CWC27: variants seen among roughly 807,000 people sequenced by gnomAD.
CWC27 encodes the protein CWC27 spliceosome associated cyclophilin, also known as spliceosome-associated protein CWC27 homolog.
In CWC27, 47 loss-of-function variants were observed where a neutral mutation model predicts 63.6. That is an observed-to-expected ratio of 0.74 (90% CI 0.58 to 0.94). The LOEUF (loss-of-function observed/expected upper bound fraction) is 0.94, where lower values mean the gene tolerates loss of function less well. Among genes scored for constraint, CWC27 ranks in the 40% least tolerant of loss-of-function variants. The pLI is 0.00. For missense variants in CWC27, 495 were observed against 554.3 expected (o/e 0.89, Z 1.07); for synonymous variants, 175 against 179.8 (o/e 0.97, Z 0.22).
chr5:64,895,893 G>T (rs1747361881), intron 11 of CWC27, among the ~76,000 whole-genome samples: 1 of 152,116 alleles, frequency 6.6e-6, no homozygotes, highest in Admixed American at 6.6e-5. Flanking sequence ...CCCAAAAACA[G>T]ATTGGAAACC....
chr5:64,840,399 AT>A, intron 10 of CWC27, among the ~76,000 whole-genome samples: 1 of 45,782 alleles, frequency 2.2e-5, no homozygotes, highest in Non-Finnish European at 4.0e-5. Context: ...AAAAAAATAT[AT>A]ATATATATAT....
chr5:64,830,214 C>T lies in CWC27; in HGVS notation c.938+25828C>T, dbSNP rs116705497. ...GGCCCCTGTGTGTGATGTTCCCTAC[C>T]GTGTGTCCAAGTATTCTCATTGTTC... On this transcript the variant is annotated intron_variant, in intron 10 of 13. Transcript: ENST00000381070. 7.0e-3 allele frequency among the ~76,000 whole-genome samples: 1,056 copies of T among 151,154 alleles called. 20 individuals are homozygous for T. The highest frequency in any genetic ancestry group is 0.024 in the African/African-American group (974 of 41,054).
chr5:64,804,534 C>A, intron 10 of CWC27, 148 bp downstream of exon 10: 1 of 740,376 alleles, frequency 1.4e-6, no homozygotes, highest in Non-Finnish European at 2.1e-6. Flanking sequence ...GGCCCATTAG[C>A]AGGCCTAAAA....
chr5:64,894,656 A>G (rs1470036360), intron 11 of CWC27, among the ~76,000 whole-genome samples: 1 of 152,246 alleles, frequency 6.6e-6, no homozygotes, highest in Non-Finnish European at 1.5e-5. Context: ...AATGTTGGAT[A>G]TAATACAAAA....
At chr5:64,864,399 A>G (rs1474385311) in intron 10 of CWC27, among the ~76,000 whole-genome samples, 1 of 152,154 alleles carries the variant, frequency 6.6e-6, no homozygotes, top group Non-Finnish European at 1.5e-5. Flanking sequence ...TTTCCAGGTC[A>G]TGGGTTTCTG....
chr5:64,914,130 A>T lies in CWC27; in HGVS notation c.1042+28584A>T, dbSNP rs990490602. ...TAATTTGAGGAAAGAAAAATACTTG[A>T]CTTTTAACTCACACCAGACATAAAA... On this transcript the variant is annotated intron_variant, in intron 11 of 13. Coordinates refer to ENST00000381070, the MANE Select transcript of CWC27 (RefSeq NM_005869.4). Among the ~76,000 whole-genome samples the T allele has an allele frequency of 2.6e-5, 4 of 152,156 alleles. No individual in the cohort carries two copies. In the South Asian group the frequency reaches 6.2e-4, roughly 24 times the overall value.
chr5:64,864,501 T>G (rs1302014945), intron 10 of CWC27, among the ~76,000 whole-genome samples: 1 of 152,162 alleles, frequency 6.6e-6, no homozygotes, highest in African/African-American at 2.4e-5. Context: ...CAACAAATGC[T>G]CCCACTACAG....
chr5:64,929,223 T>G (rs1215169103), intron 11 of CWC27, among the ~76,000 whole-genome samples: 1 of 152,188 alleles, frequency 6.6e-6, no homozygotes, highest in Non-Finnish European at 1.5e-5. Flanking sequence ...CTGAAGGGAC[T>G]TAAAAGCAAA....
intron 10 of CWC27, among the ~76,000 whole-genome samples, chr5:64,835,249 A>C (rs188799655): frequency 1.6e-3 from 242 of 151,926 alleles, no homozygotes; most frequent in African/African-American, 4.5e-3. Flanking sequence ...CTAATATCAG[A>C]ATTAGAAATT....
At chr5:64,901,607 G>A (rs904065156) in intron 11 of CWC27, among the ~76,000 whole-genome samples, 1 of 152,134 alleles carries the variant, frequency 6.6e-6, no homozygotes, top group East Asian at 1.9e-4. Flanking sequence ...TTACACTGCT[G>A]TAGGATTTAT....
At chr5:64,853,167 A>T (rs11749845) in intron 10 of CWC27, among the ~76,000 whole-genome samples, 45,102 of 152,136 alleles carry the variant, frequency 0.3, 8,027 homozygotes, top group Middle Eastern at 0.47. Flanking sequence ...AAACTTTCTA[A>T]CAGGTAGACC....
chr5:64,863,764 C>T (rs1490039111), intron 10 of CWC27, among the ~76,000 whole-genome samples: 1 of 152,156 alleles, frequency 6.6e-6, no homozygotes, highest in African/African-American at 2.4e-5. Context: ...GCTGGGGTTA[C>T]AGGCATGAGA....
chr5:64,858,386 C>T (rs921074111), intron 10 of CWC27, among the ~76,000 whole-genome samples: 3 of 150,010 alleles, frequency 2.0e-5, no homozygotes, highest in Non-Finnish European at 4.4e-5. Flanking sequence ...GGCATGAACC[C>T]GGGAGGCGGA....
chr5:64,850,240 G>A (rs1009111900), intron 10 of CWC27, among the ~76,000 whole-genome samples: 6 of 89,522 alleles, frequency 6.7e-5, no homozygotes, highest in Non-Finnish European at 1.4e-4. Context: ...AAAAAGACCC[G>A]TCAACCAATT....
chr5:64,996,969 A>G (rs1392807391), intron 13 of CWC27, among the ~76,000 whole-genome samples: 2 of 152,122 alleles, frequency 1.3e-5, no homozygotes, highest in East Asian at 3.8e-4. Flanking sequence ...CTGTAGTAAT[A>G]AGGCCAAACA....
chr5:64,772,708 C>G (rs570944614), intron 1 of CWC27, among the ~76,000 whole-genome samples: 1 of 141,740 alleles, frequency 7.1e-6, no homozygotes, highest in African/African-American at 2.7e-5. Context: ...GAGGCTGAGG[C>G]GGGCGGATCA....
intron 11 of CWC27, among the ~76,000 whole-genome samples, chr5:64,894,503 A>G (rs1469168593): frequency 6.6e-6 from 1 of 151,852 alleles, no homozygotes; most frequent in African/African-American, 2.4e-5. Context: ...GCACATTATT[A>G]TCATAAATCT....
intron 10 of CWC27, chr5:64,807,671 G>T (rs1342734380): frequency 6.5e-7 from 1 of 1,535,882 alleles, no homozygotes; most frequent in Non-Finnish European, 8.7e-7. Flanking sequence ...ATACAAGCTG[G>T]TATTATTATG....
At chr5:64,996,109 G>A (rs1462922112) in intron 13 of CWC27, among the ~76,000 whole-genome samples, 1 of 152,146 alleles carries the variant, frequency 6.6e-6, no homozygotes, top group East Asian at 1.9e-4. Context: ...ATGTTTTTAT[G>A]AGACATTTGA....
Sources: gnomAD v4.1 joint callset for allele counts (sites outside exome capture counted in the v4.1 genomes callset) on GRCh38, gnomAD v4.1.1 for gene constraint, MANE v1.5 for transcripts, NCBI Gene and HGNC (gene_info 2026-07-23, HGNC 2026-07-21) for gene names.